The following ROBO1 variants were observed in gnomAD, a reference collection of about 807,000 sequenced individuals.
ROBO1 encodes roundabout homolog 1.
A neutral mutation model predicts 195.9 loss-of-function variants in ROBO1; 149 were observed. That is an observed-to-expected ratio of 0.76 (90% confidence interval 0.67 to 0.87). ROBO1 has a LOEUF of 0.87. ROBO1 is among the 40% of genes least tolerant of loss of function. The pLI is 0.00. For synonymous variants in ROBO1, 816 were observed against 733.2 expected (o/e 1.11, Z -1.82); for missense variants, 1,933 against 2,068.3 (o/e 0.93, Z 1.27).
chr3:79,140,102 C>G (rs2080493973), intron 2 of ROBO1, among the ~76,000 whole-genome samples: 1 of 152,100 alleles, frequency 6.6e-6, no homozygotes, highest in African/African-American at 2.4e-5. Flanking sequence ...ATGATCACAT[C>G]TGAGATCTTA....
chr3:79,047,619 C>G (rs899658713), intron 3 of ROBO1, among the ~76,000 whole-genome samples: 2 of 152,058 alleles, frequency 1.3e-5, no homozygotes, highest in African/African-American at 4.8e-5. Flanking sequence ...TAAATCACTA[C>G]GTTTTGGGGT....
At chr3:79,214,340 G>A (rs1039879148) in intron 2 of ROBO1, among the ~76,000 whole-genome samples, 1 of 152,060 alleles carries the variant, frequency 6.6e-6, no homozygotes, top group Admixed American at 6.6e-5. Context: ...CAATATAGGT[G>A]TTTTTCGCTT....
Position 78,614,671 on chromosome 3 carries a change from A to AGAT in ROBO1, c.4409_4411dup (p.His1470dup). On this transcript the variant is annotated inframe_insertion, in exon 28 of 31. Transcript: ENST00000464233. ...ACCATCTGTGTAGGTTTCTCTGCGC[A>AGAT]GATGTCCTGGCTGGTGTTTCAGTTT... is the stretch of plus-strand genomic sequence containing the variant. 1 of 1,613,790 alleles carries AGAT rather than the reference A, an allele frequency of 6.2e-7. No individual in the cohort carries two copies. The highest frequency in any genetic ancestry group is 8.5e-7 in the Non-Finnish European group (1 of 1,179,814).
At position 78,598,835 on chromosome 3, in the gene ROBO1, T is replaced by G; in HGVS notation, c.*78A>C. 1 of 882,312 alleles carries G rather than the reference T, an allele frequency of 1.1e-6. No individual in the cohort carries two copies. The highest frequency in any genetic ancestry group is 1.8e-6 in the Non-Finnish European group (1 of 567,362). The allele number at this position is 882,312 out of a possible 1,614,324, so 54.7% of individuals were successfully genotyped here. On this transcript the variant is annotated 3_prime_UTR_variant, in exon 31 of 31. Coordinates refer to ENST00000464233, the MANE Select transcript of ROBO1 (RefSeq NM_002941.4). ...CTCTGATTGCACTGAACATTTTATCTGGCGTCATGTGTCATCTGACAGGAG... is the reference window on the plus strand; with the variant it reads ...CTCTGATTGCACTGAACATTTTATCGGGCGTCATGTGTCATCTGACAGGAG...
chr3:78,969,836 A>C (rs1010932732), intron 3 of ROBO1, among the ~76,000 whole-genome samples: 25 of 152,224 alleles, frequency 1.6e-4, no homozygotes, highest in African/African-American at 5.8e-4. Context: ...ATAAACAATA[A>C]TTGAAGAACC....
At chr3:78,831,869 A>G (rs530827056) in intron 4 of ROBO1, among the ~76,000 whole-genome samples, 1 of 152,314 alleles carries the variant, frequency 6.6e-6, no homozygotes, top group Non-Finnish European at 1.5e-5. Flanking sequence ...TGTGAAATGT[A>G]TTCACTATCA....
At chr3:79,128,914 C>T (rs1230855121) in intron 2 of ROBO1, among the ~76,000 whole-genome samples, 6 of 152,112 alleles carry the variant, frequency 3.9e-5, no homozygotes, top group South Asian at 2.1e-4. Flanking sequence ...TGTTTCCCTC[C>T]CCATACTCCT....
chr3:79,730,944 AT>A (rs1224545536), intron 1 of ROBO1, among the ~76,000 whole-genome samples: 1 of 151,474 alleles, frequency 6.6e-6, no homozygotes, highest in Non-Finnish European at 1.5e-5. Context: ...CGCCCAGCTA[AT>A]TTTTTGTATT....
rs368317896 is a variant in ROBO1 at position 79,557,730 on chromosome 3, T to TAAAAAAAA, written c.88+32093_88+32094insTTTTTTTT. The stretch of plus-strand genomic sequence containing the variant: ...CCTGGGCAACAGAGCGAGACTGTCT[T>TAAAAAAAA]AAAACAAAAAAAAATATATATATAT... On this transcript the variant is annotated intron_variant, in intron 2 of 30. Transcript: ENST00000464233. 5.6e-4 allele frequency among the ~76,000 whole-genome samples: 62 copies of TAAAAAAAA among 110,474 alleles called. 1 individual carries two copies. Among genetic ancestry groups the TAAAAAAAA allele is most frequent in the African/African-American group, 2.6e-3 (60 of 23,090 alleles). The allele number at this position is 110,474 out of a possible 152,430, so 72.5% of individuals were successfully genotyped here.
chr3:79,610,851 G>A (rs1944635612), intron 1 of ROBO1, among the ~76,000 whole-genome samples: 1 of 152,032 alleles, frequency 6.6e-6, no homozygotes, highest in Admixed American at 6.6e-5. Flanking sequence ...TGTAACACAG[G>A]TATCATGGAA....
chr3:78,927,795 A>G (rs2039300945), intron 4 of ROBO1, among the ~76,000 whole-genome samples: 1 of 152,208 alleles, frequency 6.6e-6, no homozygotes. Context: ...TATGTATGAG[A>G]AGATGACTAA....
chr3:78,617,240 T>C (rs1704163039), intron 27 of ROBO1, among the ~76,000 whole-genome samples: 1 of 152,118 alleles, frequency 6.6e-6, no homozygotes, highest in Admixed American at 6.5e-5. Flanking sequence ...TTGATTTTGG[T>C]GAGGTTCTAC....
At chr3:79,153,608 CA>C (rs938356567) in intron 2 of ROBO1, among the ~76,000 whole-genome samples, 2 of 151,218 alleles carry the variant, frequency 1.3e-5, no homozygotes, top group African/African-American at 2.4e-5. Context: ...CAGAAAATAG[CA>C]AAAGAAATAA....
chr3:79,044,562 ATAAG>A (rs2078553851), intron 3 of ROBO1, among the ~76,000 whole-genome samples: 1 of 152,202 alleles, frequency 6.6e-6, no homozygotes, highest in East Asian at 1.9e-4. Context: ...GATAATAAAT[ATAAG>A]TGTCATGAAA....
intron 4 of ROBO1, among the ~76,000 whole-genome samples, chr3:78,756,185 C>A (rs1184746676): frequency 1.3e-5 from 2 of 151,970 alleles, no homozygotes; most frequent in Non-Finnish European, 2.9e-5. Context: ...TAACACTAAG[C>A]ACCAAATTAT....
chr3:79,706,406 G>A (rs1014070019), intron 1 of ROBO1, among the ~76,000 whole-genome samples: 2 of 152,072 alleles, frequency 1.3e-5, no homozygotes, highest in African/African-American at 4.8e-5. Context: ...ATATGGTCAT[G>A]TTGTTTTTCA....
chr3:79,232,366 G>A (rs572686085), intron 2 of ROBO1, among the ~76,000 whole-genome samples: 23 of 149,508 alleles, frequency 1.5e-4, no homozygotes, highest in African/African-American at 5.6e-4. Flanking sequence ...GTGGAAATAT[G>A]AGAAAAAAAT....
intron 4 of ROBO1, among the ~76,000 whole-genome samples, chr3:78,791,459 A>G (rs183313038): frequency 5.3e-5 from 8 of 152,322 alleles, no homozygotes; most frequent in Admixed American, 1.3e-4. Context: ...AAAGCCACCA[A>G]GTTTAAAAAC....
At chr3:79,029,979 A>G (rs1369845596) in intron 3 of ROBO1, among the ~76,000 whole-genome samples, 1 of 152,194 alleles carries the variant, frequency 6.6e-6, no homozygotes, top group Admixed American at 6.5e-5. Context: ...AAAGTACATT[A>G]AGCATTGTTT....
Sources: gnomAD v4.1 joint callset for allele counts (sites outside exome capture counted in the v4.1 genomes callset) on GRCh38, gnomAD v4.1.1 for gene constraint, MANE v1.5 for transcripts, NCBI Gene and HGNC (gene_info 2026-07-23, HGNC 2026-07-21) for gene names.